The following TLN2 variants were observed in gnomAD, a reference collection of about 807,000 sequenced individuals.
The protein encoded by TLN2 is talin 2, also known as talin-2.
Under a neutral mutation model 294.7 loss-of-function variants are expected in TLN2, and 118 were observed. That is an observed-to-expected ratio of 0.40 (90% CI 0.34 to 0.47). The LOEUF is 0.47. Ranked by LOEUF, TLN2 falls within the 20% of genes least tolerant of loss-of-function variation. The pLI, the probability that TLN2 is intolerant of heterozygous loss-of-function variation, is 0.84. For synonymous variants in TLN2, 1,431 were observed against 1,304.5 expected, an observed-to-expected ratio of 1.10 and a Z score of -2.09; for missense variants, 3,083 against 3,282.2, an observed-to-expected ratio of 0.94 and a Z score of 1.48.
intron 54 of TLN2, among the ~76,000 whole-genome samples, chr15:62,827,490 T>C (rs2068327262): frequency 6.6e-6 from 1 of 152,172 alleles, no homozygotes; most frequent in Admixed American, 6.5e-5. Context: ...AACTGATACC[T>C]GGAGAAAGGG....
chr15:62,422,998 C>G (rs1595767971), intron 1 of TLN2, among the ~76,000 whole-genome samples: 1 of 152,242 alleles, frequency 6.6e-6, no homozygotes, highest in Non-Finnish European at 1.5e-5. Context: ...CCTGCATGGT[C>G]TGCACAGTGT....
chr15:62,795,232 C>T (rs886406012), intron 46 of TLN2, among the ~76,000 whole-genome samples: 2 of 152,076 alleles, frequency 1.3e-5, no homozygotes, highest in Admixed American at 1.3e-4. Context: ...GGGAGAGGGG[C>T]AGGAGTCGTT....
At chr15:62,502,240 C>A (rs1190632801) in intron 1 of TLN2, among the ~76,000 whole-genome samples, 2 of 152,190 alleles carry the variant, frequency 1.3e-5, no homozygotes, top group African/African-American at 4.8e-5. Context: ...TATTGTTTTT[C>A]TAGGGAAAGG....
chr15:62,411,656 A>G (rs920319208), intron 1 of TLN2, among the ~76,000 whole-genome samples: 33 of 152,154 alleles, frequency 2.2e-4, no homozygotes, highest in African/African-American at 6.5e-4. Context: ...TTATGCTAAC[A>G]GGTGAGCTGA....
chr15:62,707,527 C>T (rs943227824), intron 20 of TLN2, among the ~76,000 whole-genome samples: 7 of 152,220 alleles, frequency 4.6e-5, no homozygotes, highest in African/African-American at 1.7e-4. Flanking sequence ...CTTCTCAGTG[C>T]ATCTTTACAC....
chr15:62,654,190 G>C (rs2052928921), intron 7 of TLN2, among the ~76,000 whole-genome samples: 1 of 152,188 alleles, frequency 6.6e-6, no homozygotes, highest in African/African-American at 2.4e-5. Flanking sequence ...GAAGAAACCA[G>C]ATTGTTAGCT....
intron 32 of TLN2, among the ~76,000 whole-genome samples, chr15:62,742,630 G>GAA (rs200320619): frequency 1.1e-4 from 16 of 147,302 alleles, no homozygotes; most frequent in African/African-American, 2.5e-4. Context: ...GGGAAAAGGG[G>GAA]AAAAAAAAAA....
chr15:62,770,054 C>T (rs1175629910), intron 41 of TLN2, among the ~76,000 whole-genome samples: 1 of 152,174 alleles, frequency 6.6e-6, no homozygotes, highest in Non-Finnish European at 1.5e-5. Context: ...GACTGGCATC[C>T]CAATGAAAGT....
In TLN2 at chr15:62,699,146, G is replaced by C. The variant is rs1358769674; in HGVS notation, c.1587+279G>C. On this transcript the variant is annotated intron_variant, in intron 16 of 58. Coordinates refer to ENST00000636159, the MANE Select transcript of TLN2 (RefSeq NM_015059.3). ...ACACCAGCTCCAGTACTGGCTGTGT[G>C]AATCTGGGCTACTTGCCTTCTCAAT... Among the ~76,000 whole-genome samples the C allele has an allele frequency of 2.6e-5, 4 of 152,154 alleles. No homozygotes were observed. In the South Asian group the frequency reaches 8.3e-4, roughly 32 times the overall value.
intron 45 of TLN2, among the ~76,000 whole-genome samples, chr15:62,787,707 T>A (rs903254260): frequency 2.7e-5 from 4 of 146,340 alleles, no homozygotes; most frequent in African/African-American, 1.0e-4. Flanking sequence ...TTTTTTTTTT[T>A]TTTTTTTTTG....
chr15:62,750,637 T>C (rs2061882162), intron 34 of TLN2, 146 bp downstream of exon 34: 1 of 691,698 alleles, frequency 1.4e-6, no homozygotes, highest in Non-Finnish European at 2.5e-6. Flanking sequence ...AGCCCTTTGC[T>C]CAGGAGCTTC....
At chr15:62,783,937 T>G in intron 45 of TLN2, 47 bp downstream of exon 45, 1 of 1,607,982 alleles carries the variant, frequency 6.2e-7, no homozygotes, top group Non-Finnish European at 8.5e-7. Flanking sequence ...CACACACTGG[T>G]GCCCACTCCT....
At chr15:62,699,606 AC>A (rs1201694977) in intron 16 of TLN2, among the ~76,000 whole-genome samples, 1 of 152,206 alleles carries the variant, frequency 6.6e-6, no homozygotes, top group Non-Finnish European at 1.5e-5. Context: ...TGGTCCCAGG[AC>A]CAGCAGCATT....
At position 62,656,020 on chromosome 15, in the gene TLN2, G is replaced by T; in HGVS notation, c.594G>T (p.Lys198Asn). ...DENETLLLRR[K>N]FFYSDQNVDS... Reference sequence around the variant, plus strand: ...ACGAAACGTTGCTGCTTAGACGGAAGTTCTTTTACTCTGATCAGAATGTAG... The same window carrying T: ...ACGAAACGTTGCTGCTTAGACGGAATTTCTTTTACTCTGATCAGAATGTAG... Residue 198 changes from lysine (K) to asparagine (N), a missense_variant, in exon 8 of 59, where the codon AAG becomes AAT. Coordinates refer to ENST00000636159, the MANE Select transcript of TLN2 (RefSeq NM_015059.3). The T allele has an allele frequency of 6.2e-7, 1 of 1,614,204 alleles. No homozygotes were observed. Among genetic ancestry groups the T allele is most frequent in the Non-Finnish European group, 8.5e-7 (1 of 1,180,044 alleles).
chr15:62,505,999 AAG>A (rs1207550338), intron 1 of TLN2, among the ~76,000 whole-genome samples: 11 of 152,222 alleles, frequency 7.2e-5, no homozygotes, highest in Non-Finnish European at 1.0e-4. Flanking sequence ...AACTAATATC[AAG>A]AGAGCATTTA....
At chr15:62,489,401 T>G (rs1404938050) in intron 1 of TLN2, among the ~76,000 whole-genome samples, 2 of 152,214 alleles carry the variant, frequency 1.3e-5, no homozygotes, top group African/African-American at 2.4e-5. Context: ...AGAGGCACTT[T>G]TAAAAATAAC....
At chr15:62,699,985 C>G (rs1362399877) in intron 16 of TLN2, among the ~76,000 whole-genome samples, 3 of 152,202 alleles carry the variant, frequency 2.0e-5, no homozygotes, top group African/African-American at 7.2e-5. Context: ...GTAGCCTCAT[C>G]TTGTCCTGCC....
At chr15:62,663,700 C>T (rs1288938905) in intron 9 of TLN2, among the ~76,000 whole-genome samples, 1 of 151,698 alleles carries the variant, frequency 6.6e-6, no homozygotes, top group Non-Finnish European at 1.5e-5. Flanking sequence ...TATAATTTAC[C>T]TAGGAAGACA....
chr15:62,840,669 T>C lies in TLN2; in HGVS notation c.*59T>C. 2 of 1,569,026 alleles carry C rather than the reference T, an allele frequency of 1.3e-6. No individual in the cohort carries two copies. Among genetic ancestry groups the C allele is most frequent in the African/African-American group, 2.7e-5 (2 of 73,134 alleles). ...GGCCCTGGCTGAACTGGACAGACAGTGTTCCTGAGAGGCTGGGCACTTAGC... is the reference window on the plus strand; with the variant it reads ...GGCCCTGGCTGAACTGGACAGACAGCGTTCCTGAGAGGCTGGGCACTTAGC... On this transcript the variant is annotated 3_prime_UTR_variant, in exon 59 of 59. Coordinates refer to ENST00000636159, the MANE Select transcript of TLN2 (RefSeq NM_015059.3).
Sources: allele counts gnomAD v4.1 joint callset (sites outside exome capture counted in the v4.1 genomes callset), GRCh38; gene constraint gnomAD v4.1.1; transcripts MANE v1.5; gene names NCBI Gene and HGNC (gene_info 2026-07-23, HGNC 2026-07-21).